Variants in DOCK6 observed in about 807,000 individuals in gnomAD.
The protein encoded by DOCK6 is dedicator of cytokinesis protein 6.
Under a neutral mutation model 230.3 loss-of-function variants are expected in DOCK6, and 167 were observed. That is an observed-to-expected ratio of 0.73 (90% confidence interval 0.64 to 0.82). The LOEUF is 0.82. Among genes scored for constraint, DOCK6 ranks in the 40% least tolerant of loss-of-function variants. The probability of loss-of-function intolerance (pLI) is 0.00; values close to 1 mark genes in which losing one functional copy is unlikely to be tolerated. For missense variants in DOCK6, 2,598 were observed against 2,825.8 expected, an observed-to-expected ratio of 0.92 and a Z score of 1.83; for synonymous variants, 1,148 against 1,185.0, an observed-to-expected ratio of 0.97 and a Z score of 0.64.
intron 6 of DOCK6, among the ~76,000 whole-genome samples, chr19:11,248,849 T>C (rs2080075315): frequency 1.3e-5 from 2 of 152,190 alleles, no homozygotes; most frequent in South Asian, 4.1e-4. Context: ...GTTAGTCGAA[T>C]AATTATAGAG....
At chr19:11,239,890 C>T (rs536232063) in intron 14 of DOCK6, 43 of 1,594,048 alleles carry the variant, frequency 2.7e-5, no homozygotes, top group African/African-American at 1.6e-4. Flanking sequence ...CAGCCGGGGC[C>T]GGGATGCAGC....
Position 11,200,576 on chromosome 19 carries a change from G to T in DOCK6, c.5940-107C>A. 6.6e-7 allele frequency: 1 copy of T among 1,518,470 alleles called. No individual in the cohort carries two copies. Among genetic ancestry groups the T allele is most frequent in the Non-Finnish European group, 8.9e-7 (1 of 1,126,030 alleles). The allele number at this position is 1,518,470 out of a possible 1,614,324, so 94.1% of individuals were successfully genotyped here. A position where few individuals can be genotyped will look rare whatever the true frequency, so the allele number is the denominator to read the frequency against. On this transcript the variant is annotated intron_variant, in intron 46 of 47. Transcript: ENST00000294618. This position sits in a 1 kb window ranked among gnomAD's most constrained non-coding sequence, Gnocchi z 4.3. ...CGGGACCAGGCCTGCAGAAAGACCC[G>T]CAATAGGAGGTCAGGTTGGGAGAGT... is the stretch of plus-strand genomic sequence containing the variant.
chr19:11,227,735 T>C (rs1039670534), intron 23 of DOCK6, among the ~76,000 whole-genome samples: 1 of 151,764 alleles, frequency 6.6e-6, no homozygotes, highest in East Asian at 1.9e-4. Context: ...TTGTGACCTA[T>C]GGATGGGGCT....
intron 30 of DOCK6, 124 bp from the exon 31 acceptor site, chr19:11,216,051 C>A (rs1342217181): frequency 1.6e-6 from 2 of 1,278,748 alleles, no homozygotes; most frequent in Non-Finnish European, 2.1e-6. Context: ...AGACAGATTG[C>A]CTTTTTCCTC....
chr19:11,236,323 G>C lies in DOCK6; in HGVS notation c.2392+23C>G. 6 of 1,530,198 alleles carry C rather than the reference G, an allele frequency of 3.9e-6. No individual in the cohort carries two copies. The highest frequency in any genetic ancestry group is 5.3e-6 in the Non-Finnish European group (6 of 1,130,314). 94.8% of individuals were successfully genotyped at this position (1,530,198 alleles called of 1,614,324 possible). A position where few individuals can be genotyped will look rare whatever the true frequency, so the allele number is the denominator to read the frequency against. On this transcript the variant is annotated intron_variant, in intron 20 of 47. Coordinates refer to ENST00000294618, the MANE Select transcript of DOCK6 (RefSeq NM_020812.4). The surrounding 1 kb of genome is among the most constrained non-coding windows in gnomAD (Gnocchi z 5.2). ...GAAGCCATGTGGATGGGGAAACTGA[G>C]GTCTGAGGCCACATTCGCTTACCAA...
At chr19:11,237,180 T>C (rs2079861978) in intron 18 of DOCK6, 2 of 589,602 alleles carry the variant, frequency 3.4e-6, no homozygotes, top group Non-Finnish European at 6.0e-6. Flanking sequence ...GGTGCATTCA[T>C]GGGGAATGAT....
chr19:11,240,249 A>T, intron 14 of DOCK6: 4 of 1,583,942 alleles, frequency 2.5e-6, no homozygotes, highest in Non-Finnish European at 3.4e-6. Context: ...AGTCCAGCTG[A>T]GGAGCGCCTG....
At position 11,236,257 on chromosome 19, in the gene DOCK6, TA is replaced by T; in HGVS notation, c.2392+88del. ...CAGATGAGAAAAATGGCCAGAGAGG[TA>T]AATGGGCTTATAGAAGATCCCTCAG... On this transcript the variant is annotated intron_variant, in intron 20 of 47. Coordinates refer to ENST00000294618, the MANE Select transcript of DOCK6 (RefSeq NM_020812.4). This position sits in a 1 kb window ranked among gnomAD's most constrained non-coding sequence, Gnocchi z 5.2. The T allele has an allele frequency of 8.0e-7, 1 of 1,243,782 alleles. No individual in the cohort carries two copies. The highest frequency in any genetic ancestry group is 1.1e-6 in the Non-Finnish European group (1 of 904,160). 77.0% of individuals were successfully genotyped at this position (1,243,782 alleles called of 1,614,324 possible). A position where few individuals can be genotyped will look rare whatever the true frequency, so the allele number is the denominator to read the frequency against.
In DOCK6 at chr19:11,201,927, A is replaced by G. The variant is rs771893047; in HGVS notation, c.5650T>C (p.Tyr1884His). Residue 1884 changes from tyrosine to histidine, a missense_variant, in exon 44 of 48, where the codon TAC (tyrosine) becomes CAC (histidine). Physicochemically the swap from Tyr to His is moderately conservative, Grantham distance 83 (BLOSUM62 2). Transcript: ENST00000294618. The surrounding 1 kb of genome is among the most constrained non-coding windows in gnomAD (Gnocchi z 4.3). ...TLLSTDHAFP[Y>H]IKTRIRVCHR... ...CACACACGGATGCGAGTCTTGATGT[A>G]GGGGAAGGCGTGGTCGGTGCTGAGC... 3 of 1,572,048 alleles carry G rather than the reference A, an allele frequency of 1.9e-6. No homozygotes were observed. The South Asian group carries it at 3.4e-5, about 18-fold the overall frequency.
At chr19:11,199,574 TG>T (rs772028584) in intron 47 of DOCK6, 35 bp from the exon 48 acceptor site, 5 of 1,561,994 alleles carry the variant, frequency 3.2e-6, no homozygotes, top group Non-Finnish European at 4.3e-6. Context: ...AGCATGGCCA[TG>T]GGGCCCCCAA....
chr19:11,249,398 C>T (rs1302479415), intron 6 of DOCK6, among the ~76,000 whole-genome samples: 2 of 151,834 alleles, frequency 1.3e-5, no homozygotes, highest in Non-Finnish European at 2.9e-5. Context: ...GTAGTCCCAG[C>T]TACTCAGGAG....
intron 23 of DOCK6, among the ~76,000 whole-genome samples, chr19:11,227,913 C>A (rs1202722725): frequency 6.6e-6 from 1 of 151,664 alleles, no homozygotes; most frequent in Non-Finnish European, 1.5e-5. Context: ...ATTGGAGGCC[C>A]AGAGGGGATG....
intron 28 of DOCK6, among the ~76,000 whole-genome samples, chr19:11,218,873 ACT>A (rs1491324671): frequency 4.4e-5 from 5 of 114,900 alleles, no homozygotes; most frequent in Non-Finnish European, 7.2e-5. Context: ...AAAAAAAATC[ACT>A]TTTTTTTTTT....
chr19:11,224,400 A>G (rs1039788830), intron 24 of DOCK6, among the ~76,000 whole-genome samples: 21 of 151,224 alleles, frequency 1.4e-4, no homozygotes, highest in Non-Finnish European at 3.0e-4. Flanking sequence ...TAGTAGAGAC[A>G]GGGTTTCACC....
Position 11,236,737 on chromosome 19 carries a change from T to C in DOCK6, c.2160+56A>G, listed in dbSNP as rs966999652. The C allele has an allele frequency of 8.4e-6, 13 of 1,545,306 alleles. No homozygotes were observed. Among genetic ancestry groups the C allele is most frequent in the Non-Finnish European group, 1.1e-5 (13 of 1,142,008 alleles). On this transcript the variant is annotated intron_variant, in intron 19 of 47. Coordinates refer to ENST00000294618, the MANE Select transcript of DOCK6 (RefSeq NM_020812.4). This position sits in a 1 kb window ranked among gnomAD's most constrained non-coding sequence, Gnocchi z 5.2. ...GCCATCGGCAACTGTTACTCAATCG[T>C]AGGGCAGGCAAGAGGGGAGCAGGGC...
chr19:11,243,035 T>C lies in DOCK6; in HGVS notation c.1480+24A>G. 6.2e-7 allele frequency: 1 copy of C among 1,613,004 alleles called. No homozygotes were observed. The highest frequency in any genetic ancestry group is 1.1e-5 in the South Asian group (1 of 91,080). On this transcript the variant is annotated intron_variant, in intron 13 of 47. Coordinates refer to ENST00000294618, the MANE Select transcript of DOCK6 (RefSeq NM_020812.4). The surrounding 1 kb of genome is among the most constrained non-coding windows in gnomAD (Gnocchi z 6.3). ...AGTGGCTGAGTGAGAGTGATACTTC[T>C]TGTGTATGGGGTGTGCCACGCACCA... is the stretch of plus-strand genomic sequence containing the variant.
At position 11,227,470 on chromosome 19, in the gene DOCK6, C is replaced by T. The variant is rs2079685599; in HGVS notation, c.2822G>A (p.Ser941Asn). Residue 941 changes from serine (S) to asparagine (N), a missense_variant, in exon 24 of 48, where the codon AGT (serine) becomes AAT (asparagine). Transcript: ENST00000294618. ...AWFFFQLMVK[S>N]MALHLLLGQR... ...GCCAAGCAGCAGGTGCAGCGCCATA[C>T]TCTTCACCTGGGGGTGGGGTGAGAG... 1 of 1,579,542 alleles carries T rather than the reference C, an allele frequency of 6.3e-7. No homozygotes were observed. The highest frequency in any genetic ancestry group is 8.6e-7 in the Non-Finnish European group (1 of 1,163,648).
Position 11,255,337 on chromosome 19 carries a change from C to G in DOCK6, c.45-1611G>C, listed in dbSNP as rs1384842145. 6.4e-5 allele frequency among the ~76,000 whole-genome samples: 9 copies of G among 140,536 alleles called. 1 individual carries two copies. The South Asian group carries it at 1.8e-3, about 28-fold the overall frequency. The allele number at this position is 140,536 out of a possible 152,430, so 92.2% of individuals were successfully genotyped here. A position where few individuals can be genotyped will look rare whatever the true frequency, so the allele number is the denominator to read the frequency against. ...TTTTTTTTTTTTTGAGACAGGGTTG[C>G]TCTGTTGCCCAGGCTGGAGTGTAGT... On this transcript the variant is annotated intron_variant, in intron 1 of 47. Transcript: ENST00000294618.
At chr19:11,248,211 T>C (rs988101357) in intron 6 of DOCK6, 60 bp from the exon 7 acceptor site, 20 of 1,364,612 alleles carry the variant, frequency 1.5e-5, no homozygotes, top group Non-Finnish European at 2.0e-6. Context: ...CCAGGAAGGG[T>C]CTGGAATGCC....
Sources: allele counts gnomAD v4.1 joint callset (sites outside exome capture counted in the v4.1 genomes callset), GRCh38; gene constraint gnomAD v4.1.1; non-coding constraint Gnocchi (gnomAD v3.1); transcripts MANE v1.5; gene names NCBI Gene and HGNC (gene_info 2026-07-23, HGNC 2026-07-21).